The following STX8 variants were observed in gnomAD, a reference collection of about 807,000 sequenced individuals.
STX8 encodes syntaxin-8.
Under a neutral mutation model 37.5 loss-of-function variants are expected in STX8, and 23 were observed. The ratio of observed to expected loss-of-function variants is 0.61; its 90% CI spans 0.44 to 0.87. STX8 has a LOEUF of 0.87. STX8 is among the 40% of genes least tolerant of loss of function. STX8 has a pLI of 0.00. For missense variants in STX8, 313 were observed against 284.7 expected, an observed-to-expected ratio of 1.10 and a Z score of -0.71; for synonymous variants, 115 against 99.1, an observed-to-expected ratio of 1.16 and a Z score of -0.95.
intron 6 of STX8, among the ~76,000 whole-genome samples, chr17:9,444,600 T>TA (rs1344803156): frequency 6.6e-6 from 1 of 152,224 alleles, no homozygotes; most frequent in Non-Finnish European, 1.5e-5. Context: ...AAGATCTTTT[T>TA]ATATATAAGG....
chr17:9,302,981 A>G (rs1908838581), intron 7 of STX8, among the ~76,000 whole-genome samples: 1 of 143,158 alleles, frequency 7.0e-6, no homozygotes, highest in Non-Finnish European at 1.5e-5. Context: ...ATTAGATCTA[A>G]TATAGATTAA....
intron 7 of STX8, among the ~76,000 whole-genome samples, chr17:9,273,626 G>A (rs1484746785): frequency 6.6e-6 from 1 of 152,240 alleles, no homozygotes; most frequent in South Asian, 2.1e-4. Flanking sequence ...GCGCTACGCA[G>A]GTTAACACTG....
chr17:9,337,381 T>C (rs1349883657), intron 7 of STX8, among the ~76,000 whole-genome samples: 1 of 152,158 alleles, frequency 6.6e-6, no homozygotes, highest in Non-Finnish European at 1.5e-5. Context: ...CCATCTCTTA[T>C]TTTATTTCTT....
intron 4 of STX8, among the ~76,000 whole-genome samples, chr17:9,506,405 G>A (rs559415596): frequency 2.2e-4 from 2 of 8,928 alleles, no homozygotes; most frequent in Non-Finnish European, 2.3e-4. Context: ...GTGCTCACCC[G>A]CTCCCCCCCC....
At chr17:9,555,359 T>A (rs901976164) in intron 3 of STX8, 5 of 152,294 alleles carry the variant, frequency 3.3e-5, no homozygotes, top group Non-Finnish European at 5.9e-5. Context: ...TAGAAAAAAG[T>A]AAAAGCTCTT....
rs569406403 is a variant in STX8, at chr17:9,391,542, GCAAAACAA to G, written c.542-12897_542-12890del. 4.0e-5 allele frequency among the ~76,000 whole-genome samples: 6 copies of G among 151,830 alleles called. 1 individual carries two copies. The South Asian group carries it at 1.3e-3, about 32-fold the overall frequency. ...CACACACTCATGCAGCAACAAAAAA[GCAAAACAA>G]ATGTGGCTAAACGTTAACAACTGGT... On this transcript the variant is annotated intron_variant, in intron 6 of 7. Transcript: ENST00000306357.
chr17:9,556,001 G>C (rs1391093995), intron 3 of STX8, among the ~76,000 whole-genome samples: 1 of 152,056 alleles, frequency 6.6e-6, no homozygotes, highest in Non-Finnish European at 1.5e-5. Context: ...CAACTGTGCT[G>C]TAACAAATTA....
rs140261356 is a variant in STX8 at position 9,497,572 on chromosome 17, A to C, written c.449-5651T>G. On this transcript the variant is annotated intron_variant, in intron 5 of 7. Coordinates refer to ENST00000306357, the MANE Select transcript of STX8 (RefSeq NM_004853.3). ...CAATCACTGAGGCTGGAGGATGAGT[A>C]GGACAAAGTCATTATCTGACACTCT... 5.6e-3 allele frequency among the ~76,000 whole-genome samples: 848 copies of C among 151,866 alleles called. 8 individuals carry two copies. Among genetic ancestry groups the C allele is most frequent in the African/African-American group, 0.02 (815 of 41,442 alleles).
chr17:9,340,649 ATTTTTTTTT>A (rs66679333), intron 7 of STX8, among the ~76,000 whole-genome samples: 2,747 of 62,248 alleles, frequency 0.044, 48 homozygotes, highest in Middle Eastern at 0.13. Flanking sequence ...GTTGCACTTG[ATTTTTTTTT>A]TTTTTTTTTT....
chr17:9,418,933 T>C (rs1182297939), intron 6 of STX8, among the ~76,000 whole-genome samples: 1 of 126,744 alleles, frequency 7.9e-6, no homozygotes, highest in Non-Finnish European at 1.8e-5. Flanking sequence ...TTTTTTTTTT[T>C]TTTTTAAAGA....
chr17:9,401,609 T>C (rs1390621930), intron 6 of STX8, among the ~76,000 whole-genome samples: 1 of 152,198 alleles, frequency 6.6e-6, no homozygotes, highest in Non-Finnish European at 1.5e-5. Context: ...CTCATGCCTC[T>C]CCTGTCTCAA....
chr17:9,380,076 T>C (rs1265246505), intron 6 of STX8, among the ~76,000 whole-genome samples: 2 of 152,146 alleles, frequency 1.3e-5, no homozygotes, highest in Non-Finnish European at 2.9e-5. Flanking sequence ...ATATATAGTA[T>C]AGTACGATCT....
intron 7 of STX8, among the ~76,000 whole-genome samples, chr17:9,306,514 C>A (rs1200131770): frequency 6.7e-6 from 1 of 149,714 alleles, no homozygotes; most frequent in African/African-American, 2.5e-5. Flanking sequence ...CTTTGGGAGA[C>A]TGAGGTGGGT....
chr17:9,257,408 G>A (rs1425674058), intron 7 of STX8, among the ~76,000 whole-genome samples: 6 of 152,066 alleles, frequency 3.9e-5, no homozygotes, highest in South Asian at 2.1e-4. Context: ...TGCTGCCAAC[G>A]CCCCTGCCAC....
intron 6 of STX8, among the ~76,000 whole-genome samples, chr17:9,378,934 G>A (rs1218723783): frequency 1.3e-5 from 2 of 152,098 alleles, no homozygotes; most frequent in African/African-American, 4.8e-5. Context: ...GCCTAGCCAA[G>A]CTGTCATTCA....
At chr17:9,553,093 C>A (rs1469121819) in intron 3 of STX8, 1 of 152,144 alleles carries the variant, frequency 6.6e-6, no homozygotes, top group African/African-American at 2.4e-5. Flanking sequence ...GGATAAGTTT[C>A]ATGTGAAGCC....
intron 2 of STX8, among the ~76,000 whole-genome samples, chr17:9,563,151 C>T (rs1440221805): frequency 7.1e-6 from 1 of 141,102 alleles, no homozygotes; most frequent in Non-Finnish European, 1.5e-5. Flanking sequence ...ATTCATTCAT[C>T]CATTTATTTA....
In STX8 at chr17:9,425,900, GTCTCAATC is replaced by G. The variant is rs559290252; in HGVS notation, c.542-47255_542-47248del. Among the ~76,000 whole-genome samples the G allele has an allele frequency of 4.3e-3, 655 of 152,294 alleles. 3 individuals are homozygous for G. The highest frequency in any genetic ancestry group is 7.6e-3 in the Non-Finnish European group (516 of 68,024). On this transcript the variant is annotated intron_variant, in intron 6 of 7. Coordinates refer to ENST00000306357, the MANE Select transcript of STX8 (RefSeq NM_004853.3). ...GGCTTGGACGTCTACAGATGAGCCA[GTCTCAATC>G]TCTCTCTTGCACGCACGTATGCACG...
At chr17:9,251,091 C>A (rs1355661784) in intron 7 of STX8, among the ~76,000 whole-genome samples, 1 of 152,220 alleles carries the variant, frequency 6.6e-6, no homozygotes, top group African/African-American at 2.4e-5. Context: ...GTTCTTGAGT[C>A]CAAGATCCTT....
Sources: allele counts gnomAD v4.1 joint callset (sites outside exome capture counted in the v4.1 genomes callset), GRCh38; gene constraint gnomAD v4.1.1; transcripts MANE v1.5; gene names NCBI Gene and HGNC (gene_info 2026-07-23, HGNC 2026-07-21).